Variants in SLIT3 observed in about 807,000 individuals in gnomAD.
SLIT3 encodes slit guidance ligand 3.
Under a neutral mutation model 184.0 loss-of-function variants are expected in SLIT3, and 68 were observed. The ratio of observed to expected loss-of-function variants is 0.37; its 90% CI spans 0.30 to 0.45. The LOEUF is 0.45. Among genes scored for constraint, SLIT3 ranks in the 20% least tolerant of loss-of-function variants. The pLI is 1.00. For synonymous variants in SLIT3, 831 were observed against 828.6 expected (o/e 1.00, Z -0.05); for missense variants, 1,707 against 2,026.0 (o/e 0.84, Z 3.02).
At chr5:169,070,564 T>C (rs1002280254) in intron 4 of SLIT3, among the ~76,000 whole-genome samples, 7 of 152,210 alleles carry the variant, frequency 4.6e-5, no homozygotes, top group African/African-American at 1.4e-4. Context: ...GTTTGAACTT[T>C]TGTCAGCGTG....
intron 5 of SLIT3, among the ~76,000 whole-genome samples, chr5:168,878,934 C>T (rs902358083): frequency 1.3e-5 from 2 of 152,192 alleles, no homozygotes; most frequent in South Asian, 4.2e-4. Flanking sequence ...AGGCTGGTCT[C>T]GAATTCCTGA....
intron 4 of SLIT3, among the ~76,000 whole-genome samples, chr5:168,969,042 G>T (rs1009661901): frequency 7.2e-5 from 11 of 152,090 alleles, no homozygotes; most frequent in African/African-American, 2.7e-4. Context: ...AAAAATTCCA[G>T]ATTATTTTTC....
chr5:169,034,510 C>T (rs1757157156), intron 4 of SLIT3, among the ~76,000 whole-genome samples: 1 of 152,148 alleles, frequency 6.6e-6, no homozygotes, highest in South Asian at 2.1e-4. Flanking sequence ...AACAGACTAT[C>T]CTTTTCCCAT....
chr5:169,228,554 C>T (rs1208252188), intron 3 of SLIT3, among the ~76,000 whole-genome samples: 1 of 152,164 alleles, frequency 6.6e-6, no homozygotes, highest in African/African-American at 2.4e-5. Context: ...GTCAATCCCC[C>T]TACAGCACTC....
intron 4 of SLIT3, among the ~76,000 whole-genome samples, chr5:169,000,973 G>A (rs1018963475): frequency 2.6e-5 from 4 of 152,148 alleles, no homozygotes; most frequent in Admixed American, 2.6e-4. Flanking sequence ...GCACTGAATG[G>A]CTCCCCTGGA....
chr5:168,797,411 A>G (rs1756605297), intron 9 of SLIT3, among the ~76,000 whole-genome samples: 1 of 152,242 alleles, frequency 6.6e-6, no homozygotes, highest in African/African-American at 2.4e-5. Flanking sequence ...ACTGTCTGTA[A>G]CAACGGCAAT....
chr5:168,966,826 CAGAA>C (rs1168769402), intron 4 of SLIT3, among the ~76,000 whole-genome samples: 3 of 152,110 alleles, frequency 2.0e-5, no homozygotes, highest in Admixed American at 6.6e-5. Context: ...AACGTGAGGA[CAGAA>C]AGAGACAGGT....
At chr5:169,160,244 CACT>C (rs1762434774) in intron 4 of SLIT3, among the ~76,000 whole-genome samples, 1 of 152,154 alleles carries the variant, frequency 6.6e-6, no homozygotes, top group Non-Finnish European at 1.5e-5. Context: ...AGGAGGAAGA[CACT>C]ACTATTATCT....
intron 4 of SLIT3, among the ~76,000 whole-genome samples, chr5:168,931,452 A>G (rs1761984543): frequency 6.6e-6 from 1 of 152,122 alleles, no homozygotes; most frequent in Non-Finnish European, 1.5e-5. Context: ...GGGTGAGCAA[A>G]AGAGAGACAT....
chr5:168,676,364 G>A (rs1486938256), intron 32 of SLIT3, among the ~76,000 whole-genome samples: 3 of 152,180 alleles, frequency 2.0e-5, no homozygotes, highest in Non-Finnish European at 4.4e-5. Context: ...ATCAATGTAA[G>A]GTCTAGCCAA....
At position 169,046,387 on chromosome 5, in the gene SLIT3, A is replaced by G. The variant is rs577647821; in HGVS notation, c.413+147092T>C. Among the ~76,000 whole-genome samples, 18 of 152,370 alleles carry G rather than the reference A, an allele frequency of 1.2e-4. No homozygotes were observed. The South Asian group carries it at 3.5e-3, about 30-fold the overall frequency. ...GAGGTGAGACTCCAGAATCAGATAC[A>G]CTGCAGAACATATAGATTCCCTTTG... On this transcript the variant is annotated intron_variant, in intron 4 of 35. Transcript: ENST00000519560.
At position 169,014,727 on chromosome 5, in the gene SLIT3, G is replaced by A. The variant is rs1756296597; in HGVS notation, c.414-131391C>T. On this transcript the variant is annotated intron_variant, in intron 4 of 35. Coordinates refer to ENST00000519560, the MANE Select transcript of SLIT3 (RefSeq NM_003062.4). ...GCACTTTGGGAGGCCAAGGCAGGTG[G>A]ATCATCTGAGGTCAGGAGTTTGAGA... 3.3e-5 allele frequency among the ~76,000 whole-genome samples: 5 copies of A among 152,304 alleles called. No homozygotes were observed. The South Asian group carries it at 1.0e-3, about 32-fold the overall frequency.
chr5:169,147,324 A>T (rs1419439519), intron 4 of SLIT3, among the ~76,000 whole-genome samples: 2 of 152,202 alleles, frequency 1.3e-5, no homozygotes, highest in East Asian at 1.9e-4. Context: ...GCTGGAGTGC[A>T]ATGGCACGAT....
chr5:169,116,742 T>G (rs1471987150), intron 4 of SLIT3, among the ~76,000 whole-genome samples: 1 of 152,206 alleles, frequency 6.6e-6, no homozygotes, highest in Admixed American at 6.5e-5. Flanking sequence ...TAATCAGGGC[T>G]GCATCAGGAG....
intron 8 of SLIT3, among the ~76,000 whole-genome samples, chr5:168,807,047 C>T (rs764302665): frequency 1.3e-5 from 2 of 152,136 alleles, no homozygotes; most frequent in Admixed American, 6.5e-5. Context: ...TCCCCATTTG[C>T]GGCATTGATG....
chr5:168,759,909 T>C lies in SLIT3; in HGVS notation c.1685+953A>G, dbSNP rs116020746. 6.3e-3 allele frequency among the ~76,000 whole-genome samples: 952 copies of C among 151,498 alleles called. 15 individuals are homozygous for C. Among genetic ancestry groups the C allele is most frequent in the African/African-American group, 0.021 (875 of 41,236 alleles). On this transcript the variant is annotated intron_variant, in intron 16 of 35. Coordinates refer to ENST00000519560, the MANE Select transcript of SLIT3 (RefSeq NM_003062.4). ...GGGGTAAGGCAGAGGGGCCAAAGAG[T>C]GCCCCCCTGGGGATTAGATGGTAAA...
intron 5 of SLIT3, among the ~76,000 whole-genome samples, chr5:168,851,620 C>T (rs1029711209): frequency 2.0e-5 from 3 of 152,138 alleles, no homozygotes; most frequent in Admixed American, 6.5e-5. Flanking sequence ...TGGTCATCCC[C>T]ATGTTTGGAC....
intron 8 of SLIT3, among the ~76,000 whole-genome samples, chr5:168,815,716 T>C (rs1023524291): frequency 2.6e-5 from 4 of 152,204 alleles, no homozygotes; most frequent in Non-Finnish European, 4.4e-5. Context: ...CGGCAGAGAA[T>C]GAGATGAAGT....
At chr5:168,727,434 A>T (rs752231705) in intron 20 of SLIT3, among the ~76,000 whole-genome samples, 10 of 152,214 alleles carry the variant, frequency 6.6e-5, no homozygotes, top group Non-Finnish European at 1.2e-4. Context: ...GAGGTGGAAG[A>T]GTCTGGCAAG....
Sources: gnomAD v4.1 joint callset for allele counts (sites outside exome capture counted in the v4.1 genomes callset) on GRCh38, gnomAD v4.1.1 for gene constraint, MANE v1.5 for transcripts, NCBI Gene and HGNC (gene_info 2026-07-23, HGNC 2026-07-21) for gene names.